TUSC3: variants seen among roughly 807,000 people sequenced by gnomAD.
TUSC3 encodes the protein dolichyl-diphosphooligosaccharide--protein glycosyltransferase subunit TUSC3.
Under a neutral mutation model 44.8 loss-of-function variants are expected in TUSC3, and 45 were observed. The ratio of observed to expected loss-of-function variants is 1.00; its 90% CI spans 0.79 to 1.29. The LOEUF (loss-of-function observed/expected upper bound fraction) is 1.29. Ranked by LOEUF, TUSC3 falls within the 50% of genes most tolerant of loss-of-function variation. The probability of loss-of-function intolerance (pLI) is 0.00; values close to 1 mark genes in which losing one functional copy is unlikely to be tolerated. For synonymous variants in TUSC3, 212 were observed against 152.9 expected (o/e 1.39, Z -2.85); for missense variants, 519 against 437.9 (o/e 1.19, Z -1.65).
chr8:15,541,460 C>T (rs1043601882), intron 1 of TUSC3, among the ~76,000 whole-genome samples: 1 of 152,188 alleles, frequency 6.6e-6, no homozygotes, highest in African/African-American at 2.4e-5. Context: ...TTAAGTTGTA[C>T]ACCTACACAG....
At chr8:15,749,836 GAA>G (rs1811616359) in intron 9 of TUSC3, among the ~76,000 whole-genome samples, 1 of 145,034 alleles carries the variant, frequency 6.9e-6, no homozygotes, top group Non-Finnish European at 1.5e-5. Context: ...TGTAAATTAA[GAA>G]AAATAGAAAT....
intron 9 of TUSC3, among the ~76,000 whole-genome samples, chr8:15,756,059 CT>C (rs1245274105): frequency 6.6e-6 from 1 of 152,072 alleles, no homozygotes; most frequent in Non-Finnish European, 1.5e-5. Flanking sequence ...TAGACTCTGT[CT>C]TAGGGAGGTC....
intron 6 of TUSC3, among the ~76,000 whole-genome samples, chr8:15,725,530 GATTA>G (rs1395058538): frequency 2.6e-5 from 4 of 152,118 alleles, no homozygotes; most frequent in African/African-American, 9.7e-5. Context: ...AACCAGTGGA[GATTA>G]ATTTTACCAT....
chr8:15,795,960 G>C, the TUSC3 span, among the ~76,000 whole-genome samples: 1 of 152,150 alleles, frequency 6.6e-6, no homozygotes, highest in African/African-American at 2.4e-5. Flanking sequence ...ATTAAATCAA[G>C]AGTGGTGAAG....
At chr8:15,613,258 A>T (rs568777948) in intron 1 of TUSC3, among the ~76,000 whole-genome samples, 25 of 151,346 alleles carry the variant, frequency 1.7e-4, no homozygotes, top group African/African-American at 6.1e-4. Context: ...TAAATTTAGC[A>T]CAGTGCTTTT....
At chr8:15,457,830 A>G (rs1231414924) in intron 1 of TUSC3, among the ~76,000 whole-genome samples, 1 of 146,366 alleles carries the variant, frequency 6.8e-6, no homozygotes, top group African/African-American at 2.5e-5. Flanking sequence ...ATTAATTATT[A>G]ATAAATTAGA....
chr8:15,722,203 A>G (rs1563190271), intron 6 of TUSC3, among the ~76,000 whole-genome samples: 2 of 149,866 alleles, frequency 1.3e-5, no homozygotes, highest in Non-Finnish European at 3.0e-5. Context: ...TTATTTCAGC[A>G]TAGTCTGCTT....
intron 6 of TUSC3, among the ~76,000 whole-genome samples, chr8:15,688,731 C>T (rs977410989): frequency 1.3e-5 from 2 of 152,138 alleles, no homozygotes; most frequent in Non-Finnish European, 2.9e-5. Flanking sequence ...CTTCTCCTCT[C>T]CTCTCTGTAT....
At chr8:15,829,947 A>G in the TUSC3 span, among the ~76,000 whole-genome samples, 66 of 152,230 alleles carry the variant, frequency 4.3e-4, no homozygotes, top group Non-Finnish European at 7.5e-4. Context: ...TGCACACTCA[A>G]CCAATATCTA....
chr8:15,628,976 T>C (rs2129167079), intron 2 of TUSC3, among the ~76,000 whole-genome samples: 1 of 152,314 alleles, frequency 6.6e-6, no homozygotes, highest in East Asian at 1.9e-4. Context: ...AAACTGGTTG[T>C]GATACAGTTA....
rs1178811158 is a variant in TUSC3 at position 15,452,145 on chromosome 8, T to C, written n.92-31241T>C. On this transcript the variant is annotated intron_variant and non_coding_transcript_variant, in intron 1 of 5. Coordinates refer to the TUSC3 transcript ENST00000503191. The stretch of plus-strand genomic sequence containing the variant: ...TTACATGACGTTAACCGTGAAGTTA[T>C]TGAGTGTTATGTGTGAGAAAAACAT... Among the ~76,000 whole-genome samples, 3 of 152,186 alleles carry C rather than the reference T, an allele frequency of 2.0e-5. No individual in the cohort carries two copies. In the East Asian group the frequency reaches 5.8e-4, roughly 29 times the overall value.
intron 1 of TUSC3, among the ~76,000 whole-genome samples, chr8:15,460,409 A>G (rs1271400706): frequency 2.0e-5 from 3 of 151,856 alleles, no homozygotes; most frequent in African/African-American, 7.3e-5. Flanking sequence ...TCGCTGATTT[A>G]AGTTTGTTGT....
At chr8:15,662,942 C>G (rs760751379) in intron 5 of TUSC3, among the ~76,000 whole-genome samples, 1 of 151,770 alleles carries the variant, frequency 6.6e-6, no homozygotes, top group Non-Finnish European at 1.5e-5. Flanking sequence ...GTCGTTAAGG[C>G]CAAGTATTCA....
chr8:15,435,603 C>T (rs1425486778), intron 1 of TUSC3, among the ~76,000 whole-genome samples: 1 of 152,074 alleles, frequency 6.6e-6, no homozygotes, highest in Non-Finnish European at 1.5e-5. Flanking sequence ...TTTAGAGGTA[C>T]CTGGTGCCTA....
chr8:15,532,947 C>G (rs1003754076), intron 2 of TUSC3, among the ~76,000 whole-genome samples: 1 of 152,148 alleles, frequency 6.6e-6, no homozygotes, highest in Non-Finnish European at 1.5e-5. Context: ...TGCCTGTCAC[C>G]ATGCCCAGCT....
At chr8:15,744,951 C>T (rs941723795) in intron 8 of TUSC3, among the ~76,000 whole-genome samples, 1 of 152,092 alleles carries the variant, frequency 6.6e-6, no homozygotes, top group African/African-American at 2.4e-5. Context: ...ACGCTCCTCA[C>T]TCCATCCCCA....
chr8:15,801,292 G>A, the TUSC3 span, among the ~76,000 whole-genome samples: 2 of 152,100 alleles, frequency 1.3e-5, no homozygotes, highest in African/African-American at 4.8e-5. Flanking sequence ...TTTTCTTAGA[G>A]CTTAAATCCT....
chr8:15,568,877 TA>T (rs1468476372), intron 1 of TUSC3, among the ~76,000 whole-genome samples: 4 of 152,162 alleles, frequency 2.6e-5, no homozygotes, highest in Non-Finnish European at 4.4e-5. Context: ...CATTATCATT[TA>T]TTTTTTTTTC....
rs149587190 is a variant in TUSC3 at position 15,486,540 on chromosome 8, G to C, written n.189+3057G>C. ...CCTCACTGCAACCTCCGCCTCCCAG[G>C]TTCAAATGATTATTCTGCCTCAGCC... is the stretch of plus-strand genomic sequence containing the variant. On this transcript the variant is annotated intron_variant and non_coding_transcript_variant, in intron 2 of 5. Transcript: ENST00000503191. Among the ~76,000 whole-genome samples the C allele has an allele frequency of 1.6e-4, 24 of 152,038 alleles. No homozygotes were observed. In the East Asian group the frequency reaches 4.7e-3, roughly 29 times the overall value.
Sources: allele counts gnomAD v4.1 joint callset (sites outside exome capture counted in the v4.1 genomes callset), GRCh38; gene constraint gnomAD v4.1.1; transcripts MANE v1.5; gene names NCBI Gene and HGNC (gene_info 2026-07-23, HGNC 2026-07-21).